CSK: variants seen among roughly 807,000 people sequenced by gnomAD.
CSK encodes the protein tyrosine-protein kinase CSK.
In CSK, 7 loss-of-function variants were observed where a neutral mutation model predicts 62.3. The observed-to-expected ratio is 0.11, with a 90% CI of 0.06 to 0.21. The LOEUF (loss-of-function observed/expected upper bound fraction) is 0.21, where lower values mean the gene tolerates loss of function less well. CSK is among the 10% of genes least tolerant of loss of function. The probability of loss-of-function intolerance (pLI) is 1.00; values close to 1 mark genes in which losing one functional copy is unlikely to be tolerated. For synonymous variants in CSK, 237 were observed against 246.0 expected, an observed-to-expected ratio of 0.96 and a Z score of 0.34; for missense variants, 294 against 613.5, an observed-to-expected ratio of 0.48 and a Z score of 5.50.
Position 74,801,192 on chromosome 15 carries a change from G to A in CSK, c.813+90G>A, listed in dbSNP as rs35058771. 9.2e-5 allele frequency: 132 copies of A among 1,433,904 alleles called. 1 individual carries two copies. Among genetic ancestry groups the A allele is most frequent in the Admixed American group, 6.1e-4 (35 of 57,578 alleles). 88.8% of individuals were successfully genotyped at this position (1,433,904 alleles called of 1,614,324 possible). A position where few individuals can be genotyped will look rare whatever the true frequency, so the allele number is the denominator to read the frequency against. On this transcript the variant is annotated intron_variant, in intron 9 of 12. Transcript: ENST00000220003. ...AGGGCCCCTGCTCCCTCAGTCCCCC[G>A]ACCCCAAGTGAGCTTTTAGGTCACC...
rs960126386 is a variant in CSK, at chr15:74,792,557, T to C, written c.-65-5676T>C. Among the ~76,000 whole-genome samples, 3 of 152,168 alleles carry C rather than the reference T, an allele frequency of 2.0e-5. No individual in the cohort carries two copies. In the East Asian group the frequency reaches 5.8e-4, roughly 29 times the overall value. On this transcript the variant is annotated intron_variant, in intron 1 of 12. Coordinates refer to ENST00000220003, the MANE Select transcript of CSK (RefSeq NM_004383.3). ...CATAGAGTAGCCCGACTCTTAAGTT[T>C]AAATAACCCCAGGAAGGACCCCCTC...
rs1009684691 is a variant in CSK, at chr15:74,799,347, G to A, written c.318G>A (p.Val106=). Residue 106 remains valine (V), a synonymous_variant, in exon 5 of 13, where the codon GTG becomes GTA. Transcript: ENST00000220003. ...CGCCGGAGACAGGCCTGTTCCTGGT[G>A]CGGGAGAGCACCAACTACCCCGGAG... is the stretch of plus-strand genomic sequence containing the variant. ...LYPPETGLFL[V]RESTNYPGDY... 4.3e-6 allele frequency: 7 copies of A among 1,612,824 alleles called. No individual in the cohort carries two copies. In the African/African-American group the frequency reaches 5.3e-5, roughly 12 times the overall value.
At chr15:74,800,786 T>C in intron 7 of CSK, 37 bp from the exon 8 acceptor site, 2 of 1,594,062 alleles carry the variant, frequency 1.3e-6, no homozygotes, top group Non-Finnish European at 8.5e-7. Flanking sequence ...TCTGAGGGAC[T>C]CCGAACTTGG....
Position 74,787,526 on chromosome 15 carries a change from G to GC in CSK, c.-66+4811dup, listed in dbSNP as rs34896354. Among the ~76,000 whole-genome samples, 406 of 152,284 alleles carry GC rather than the reference G, an allele frequency of 2.7e-3. 3 individuals carry two copies. The highest frequency in any genetic ancestry group is 2.5e-3 in the South Asian group (12 of 4,828). On this transcript the variant is annotated intron_variant, in intron 1 of 12. Coordinates refer to ENST00000220003, the MANE Select transcript of CSK (RefSeq NM_004383.3). The stretch of plus-strand genomic sequence containing the variant: ...ACTATTTGAGAGCTCCCCTCAGCAG[G>GC]CCCCCAGGGACTGGAGGGCCCTGTG...
Position 74,782,082 on chromosome 15 carries a change from A to T in CSK, c.-704A>T, listed in dbSNP as rs1446862459. The T allele has an allele frequency of 6.8e-6, 1 of 147,376 alleles. No individual in the cohort carries two copies. The highest frequency in any genetic ancestry group is 2.4e-5 in the African/African-American group (1 of 40,828). 9.1% of individuals were successfully genotyped at this position (147,376 alleles called of 1,614,324 possible). ...GCAGGCGCGCTGCCGCGGGCGGAGGATCCGGGCCGCGCTTCCTCTCGCCAG... is the reference window on the plus strand; with the variant it reads ...GCAGGCGCGCTGCCGCGGGCGGAGGTTCCGGGCCGCGCTTCCTCTCGCCAG... On this transcript the variant is annotated 5_prime_UTR_variant, in exon 1 of 13. Transcript: ENST00000220003. The surrounding 1 kb of genome is among the most constrained non-coding windows in gnomAD (Gnocchi z 5.7).
In CSK at chr15:74,802,831, G is replaced by A. The variant is rs905504885; in HGVS notation, c.*318G>A. 2.1e-5 allele frequency: 6 copies of A among 287,794 alleles called. No individual in the cohort carries two copies. The highest frequency in any genetic ancestry group is 7.1e-5 in the South Asian group (1 of 14,002). 17.8% of individuals were successfully genotyped at this position (287,794 alleles called of 1,614,324 possible). On this transcript the variant is annotated 3_prime_UTR_variant, in exon 13 of 13. Transcript: ENST00000220003. ...TTTCCTTTTTTGAGATTTTTTTTCC[G>A]TGTGTTTATTTTTTATTATTTTTCA...
In CSK at chr15:74,798,404, A is replaced by G; in HGVS notation, c.15+92A>G. The G allele has an allele frequency of 6.7e-7, 1 of 1,500,614 alleles. No individual in the cohort carries two copies. Among genetic ancestry groups the G allele is most frequent in the Non-Finnish European group, 9.1e-7 (1 of 1,096,700 alleles). 93.0% of individuals were successfully genotyped at this position (1,500,614 alleles called of 1,614,324 possible). ...AGGAGAGAGGATGCAGCTTAGATCA[A>G]CCCACTCCCCTTTTTCCCAGCACTC... On this transcript the variant is annotated intron_variant, in intron 2 of 12. Transcript: ENST00000220003. The surrounding 1 kb of genome is among the most constrained non-coding windows in gnomAD (Gnocchi z 6.6).
rs1429258863 is a variant in CSK, at chr15:74,782,570, C to T, written c.-216C>T. 6.6e-6 allele frequency: 1 copy of T among 152,114 alleles called. No individual in the cohort carries two copies. Among genetic ancestry groups the T allele is most frequent in the Non-Finnish European group, 1.5e-5 (1 of 68,032 alleles). 9.4% of individuals were successfully genotyped at this position (152,114 alleles called of 1,614,324 possible). The stretch of plus-strand genomic sequence containing the variant: ...TCCCCCTGCCTCTGCCTGGCGGTCC[C>T]TCCTCCCCTCTCCTTGCACCCATAC... On this transcript the variant is annotated 5_prime_UTR_variant, in exon 1 of 13. Coordinates refer to ENST00000220003, the MANE Select transcript of CSK (RefSeq NM_004383.3). The surrounding 1 kb of genome is among the most constrained non-coding windows in gnomAD (Gnocchi z 5.7).
Position 74,798,507 on chromosome 15 carries a change from C to T in CSK, c.16-108C>T. 3 of 1,244,180 alleles carry T rather than the reference C, an allele frequency of 2.4e-6. No homozygotes were observed. Among genetic ancestry groups the T allele is most frequent in the Middle Eastern group, 1.8e-4 (1 of 5,412 alleles). The allele number at this position is 1,244,180 out of a possible 1,614,324, so 77.1% of individuals were successfully genotyped here. A position where few individuals can be genotyped will look rare whatever the true frequency, so the allele number is the denominator to read the frequency against. Reference sequence around the variant, plus strand: ...GGCTCGTTCTCCGGGCAGAGCACCTCACCCAGGCTCACAGAGGCCAGCTCA... The same window carrying T: ...GGCTCGTTCTCCGGGCAGAGCACCTTACCCAGGCTCACAGAGGCCAGCTCA... On this transcript the variant is annotated intron_variant, in intron 2 of 12. Transcript: ENST00000220003. The surrounding 1 kb of genome is among the most constrained non-coding windows in gnomAD (Gnocchi z 6.6).
At chr15:74,786,013 T>TTTTTTTGTG in intron 1 of CSK, among the ~76,000 whole-genome samples, 2 of 47,838 alleles carry the variant, frequency 4.2e-5, no homozygotes, top group African/African-American at 1.3e-4. Flanking sequence ...TTTTTTTTTT[T>TTTTTTTGTG]TGTGTGTGTG....
chr15:74,802,245 C>G, intron 12 of CSK, 86 bp from the exon 13 acceptor site: 1 of 1,454,974 alleles, frequency 6.9e-7, no homozygotes, highest in Non-Finnish European at 9.2e-7. Context: ...TGCGGCAAAG[C>G]TGATGGGCAT....
chr15:74,789,624 G>A (rs1162881066), intron 1 of CSK, among the ~76,000 whole-genome samples: 3 of 152,142 alleles, frequency 2.0e-5, no homozygotes, highest in Non-Finnish European at 4.4e-5. Context: ...GGCCCTGCTC[G>A]GAGGTTCCCT....
At chr15:74,790,653 A>G (rs2063605439) in intron 1 of CSK, among the ~76,000 whole-genome samples, 1 of 152,338 alleles carries the variant, frequency 6.6e-6, no homozygotes, top group South Asian at 2.1e-4. Context: ...TTTGGGGTTA[A>G]CTATAGTCCT....
Position 74,799,312 on chromosome 15 carries a change from C to T in CSK, c.283C>T (p.Leu95Phe). Residue 95 changes from leucine to phenylalanine, a missense_variant, in exon 5 of 13, where the codon CTT becomes TTT. This residue lies in a region of CSK where 202 missense variants were observed against 415.7 expected (regional missense o/e 0.49). Transcript: ENST00000220003. ...GATCACACGGGAGCAGGCTGAGCGG[C>T]TTCTGTACCCGCCGGAGACAGGCCT... ...GKITREQAER[L>F]LYPPETGLFL... is the part of the protein sequence containing the mutation. 2 of 1,611,902 alleles carry T rather than the reference C, an allele frequency of 1.2e-6. No individual in the cohort carries two copies. The highest frequency in any genetic ancestry group is 1.1e-5 in the South Asian group (1 of 91,024).
chr15:74,801,081 C>T lies in CSK; in HGVS notation c.792C>T (p.Ile264=), dbSNP rs33991421. The T allele has an allele frequency of 0.016, 26,284 of 1,613,290 alleles. 337 individuals carry two copies. The highest frequency in any genetic ancestry group is 0.036 in the Middle Eastern group (218 of 6,060). Residue 264 remains isoleucine, a synonymous_variant, in exon 9 of 13, where the codon ATC becomes ATT. Transcript: ENST00000220003. The part of the protein sequence containing the change: ...VIVEEKGGLY[I]VTEYMAKGSL... ...TGGAGGAGAAGGGCGGGCTCTACAT[C>T]GTCACTGAGTACATGGCCAAGGTGG...
In CSK at chr15:74,798,204, C is replaced by T; in HGVS notation, c.-65-29C>T. On this transcript the variant is annotated intron_variant, in intron 1 of 12. Transcript: ENST00000220003. The surrounding 1 kb of genome is among the most constrained non-coding windows in gnomAD (Gnocchi z 6.6). The stretch of plus-strand genomic sequence containing the variant: ...AGTTGGGGGGCATTTCTTCACACCC[C>T]TCCTCAGTCTTCATGCTCTTCCCCA... 7.1e-7 allele frequency: 1 copy of T among 1,406,240 alleles called. No homozygotes were observed. The highest frequency in any genetic ancestry group is 9.6e-7 in the Non-Finnish European group (1 of 1,042,610). 87.1% of individuals were successfully genotyped at this position (1,406,240 alleles called of 1,614,324 possible).
chr15:74,790,266 A>G (rs2063598378), intron 1 of CSK, among the ~76,000 whole-genome samples: 1 of 152,150 alleles, frequency 6.6e-6, no homozygotes, highest in South Asian at 2.1e-4. Context: ...GAAGGCTCCC[A>G]CGCCCCATTA....
Position 74,802,399 on chromosome 15 carries a change from C to T in CSK, c.1239C>T (p.Pro413=), listed in dbSNP as rs145089812. 17 of 1,612,400 alleles carry T rather than the reference C, an allele frequency of 1.1e-5. No individual in the cohort carries two copies. Among genetic ancestry groups the T allele is most frequent in the African/African-American group, 9.3e-5 (7 of 74,990 alleles). Residue 413 remains proline, a synonymous_variant, in exon 13 of 13, where the codon CCC becomes CCT. Coordinates refer to ENST00000220003, the MANE Select transcript of CSK (RefSeq NM_004383.3). ...YKMDAPDGCP[P]AVYEVMKNCW... ...TGGATGCCCCCGACGGCTGCCCGCC[C>T]GCAGTCTATGAAGTCATGAAGAACT...
chr15:74,798,150 T>A lies in CSK; in HGVS notation c.-65-83T>A. 1.3e-6 allele frequency: 1 copy of A among 794,002 alleles called. No homozygotes were observed. Among genetic ancestry groups the A allele is most frequent in the Non-Finnish European group, 2.0e-6 (1 of 505,526 alleles). The allele number at this position is 794,002 out of a possible 1,614,324, so 49.2% of individuals were successfully genotyped here. A position where few individuals can be genotyped will look rare whatever the true frequency, so the allele number is the denominator to read the frequency against. ...AGCGCAGGACACTCTTGGCACCTGT[T>A]CATGCCCAGTGAGGAGCCAGATCTC... is the stretch of plus-strand genomic sequence containing the variant. On this transcript the variant is annotated intron_variant, in intron 1 of 12. Transcript: ENST00000220003. This position sits in a 1 kb window ranked among gnomAD's most constrained non-coding sequence, Gnocchi z 6.6.
Sources: allele counts gnomAD v4.1 joint callset (sites outside exome capture counted in the v4.1 genomes callset), GRCh38; gene constraint gnomAD v4.1.1; regional missense constraint gnomAD v4.1.1; non-coding constraint Gnocchi (gnomAD v3.1); transcripts MANE v1.5; gene names NCBI Gene and HGNC (gene_info 2026-07-23, HGNC 2026-07-21).